Variants in ARSL observed in about 807,000 individuals in gnomAD.
ARSL encodes arylsulfatase E (chondrodysplasia punctata 1).
Under a neutral mutation model 31.1 loss-of-function variants are expected in ARSL, and 4 were observed. The ratio of observed to expected loss-of-function variants is 0.13; its 90% CI spans 0.06 to 0.29. The LOEUF (loss-of-function observed/expected upper bound fraction) is 0.29, where lower values mean the gene tolerates loss of function less well. Ranked by LOEUF, ARSL falls within the 10% of genes least tolerant of loss-of-function variation. The pLI, the probability that ARSL is intolerant of heterozygous loss-of-function variation, is 1.00. For synonymous variants in ARSL, 198 were observed against 209.9 expected, an observed-to-expected ratio of 0.94 and a Z score of 0.49; for missense variants, 312 against 497.8, an observed-to-expected ratio of 0.63 and a Z score of 3.55.
intron 7 of ARSL, among the ~76,000 whole-genome samples, chrX:2,944,257 C>T (rs182349144): frequency 2.7e-3 from 295 of 109,200 alleles, no homozygotes; most frequent in African/African-American, 9.2e-3. Flanking sequence ...AGTTCGAGAC[C>T]AGCCTGGCCA....
intron 5 of ARSL, among the ~76,000 whole-genome samples, chrX:2,951,614 C>CAAAAAAAAA (rs1164575386): frequency 0.016 from 406 of 24,634 alleles, no homozygotes; most frequent in Non-Finnish European, 0.026. Flanking sequence ...CCCATCTCTA[C>CAAAAAAAAA]AAAAAAAAAA....
intron 6 of ARSL, among the ~76,000 whole-genome samples, chrX:2,947,940 T>G (rs1403489390): frequency 8.9e-6 from 1 of 111,888 alleles, no homozygotes; most frequent in African/African-American, 3.2e-5. Flanking sequence ...CTGGCCAACA[T>G]GGCAAAACCC....
upstream of ARSL, chrX:2,968,095 C>T: frequency 2.6e-6 from 3 of 1,150,191 alleles, no homozygotes; most frequent in Non-Finnish European, 3.5e-6. Context: ...CCTGGAGCGT[C>T]TCTGCACGTG....
intron 9 of ARSL, among the ~76,000 whole-genome samples, chrX:2,937,371 G>A (rs1388032179): frequency 9.5e-5 from 10 of 105,707 alleles, no homozygotes; most frequent in African/African-American, 3.1e-4. Context: ...TCCAGCCTGG[G>A]CAACTGAGTG....
chrX:2,937,393 CAAAA>C (rs752865403), intron 9 of ARSL, among the ~76,000 whole-genome samples: 1 of 70,940 alleles, frequency 1.4e-5, no homozygotes. Flanking sequence ...GACTCAGTCT[CAAAA>C]AAAAAAAAAG....
chrX:2,964,137 G>C, intron 1 of ARSL, 87 bp downstream of exon 1: 2 of 749,333 alleles, frequency 2.7e-6, no homozygotes, highest in Non-Finnish European at 3.1e-6. Flanking sequence ...AGACAGAAAA[G>C]GGAACGGGGA....
chrX:2,962,680 C>G (rs931839717), intron 1 of ARSL, among the ~76,000 whole-genome samples: 1 of 111,497 alleles, frequency 9.0e-6, no homozygotes, highest in Non-Finnish European at 1.9e-5. Context: ...AGGATTCAGG[C>G]ACAAAACCAG....
intron 4 of ARSL, 24 bp downstream of exon 4, chrX:2,955,363 CTGTGACGAATACACCAGGCTGCACCCTAG>C: frequency 1.7e-6 from 2 of 1,203,414 alleles, no homozygotes; most frequent in Non-Finnish European, 2.2e-6. Context: ...GAACTAGAAA[CTGTGACGAATACACCAGGCTGCACCCTAG>C]TGCAGTTGTA....
chrX:2,944,335 A>T (rs1972527), intron 7 of ARSL, among the ~76,000 whole-genome samples: 3,385 of 106,950 alleles, frequency 0.032, 141 homozygotes, highest in African/African-American at 0.11. Flanking sequence ...GTGCCTGTAA[A>T]CCCAGCTACT....
chrX:2,959,560 T>C, intron 2 of ARSL: 2 of 1,123,899 alleles, frequency 1.8e-6, no homozygotes, highest in Non-Finnish European at 2.3e-6. Context: ...TGATTTTCCC[T>C]GGAAAACCAG....
rs192998288 is a variant in ARSL at position 2,944,432 on chromosome X, C to T, written c.992-1233G>A. ...CCGTGCCATTGCACTCCAGCCTGGG[C>T]AACAGAGTGAGACTCGGTCTCAAAA... On this transcript the variant is annotated intron_variant, in intron 7 of 10. Coordinates refer to ENST00000381134, the MANE Select transcript of ARSL (RefSeq NM_000047.3). Among the ~76,000 whole-genome samples the T allele has an allele frequency of 1.7e-3, 150 of 88,650 alleles. 1 individual carries two copies. In the East Asian group the frequency reaches 0.039, roughly 23 times the overall value. 77.0% of individuals were successfully genotyped at this position (88,650 alleles called of 115,157 possible). A position where few individuals can be genotyped will look rare whatever the true frequency, so the allele number is the denominator to read the frequency against.
rs367917694 is a variant in ARSL, at chrX:2,936,709, C to A, written c.1411+33G>T. ...TTTCCTGCACAGAGGGACTCTTTCC[C>A]TAAGGGTGTTAGGAAGGGGCTCCCC... On this transcript the variant is annotated intron_variant, in intron 10 of 10. Coordinates refer to ENST00000381134, the MANE Select transcript of ARSL (RefSeq NM_000047.3). The A allele has an allele frequency of 6.1e-5, 74 of 1,207,577 alleles. No homozygotes were observed. The African/African-American group carries it at 1.2e-3, about 20-fold the overall frequency.
upstream of ARSL, chrX:2,964,469 C>T (rs1489253273): frequency 1.3e-6 from 1 of 749,756 alleles, no homozygotes; most frequent in East Asian, 1.5e-4. Flanking sequence ...TGGTCAGTTT[C>T]CTTAGGTTTT....
At chrX:2,946,760 C>T (rs1414004587) in intron 6 of ARSL, among the ~76,000 whole-genome samples, 2 of 110,257 alleles carry the variant, frequency 1.8e-5, no homozygotes, top group African/African-American at 3.3e-5. Flanking sequence ...ACCTCTGCCT[C>T]CCAGGTTCAA....
upstream of ARSL, chrX:2,964,426 A>G (rs2089680418): frequency 1.3e-6 from 1 of 751,716 alleles, no homozygotes; most frequent in Non-Finnish European, 1.6e-6. Flanking sequence ...GCATGGGGGA[A>G]TCTCAAAGCC....
chrX:2,957,537 T>C (rs1272522422), intron 3 of ARSL, among the ~76,000 whole-genome samples: 5 of 104,884 alleles, frequency 4.8e-5, no homozygotes, highest in Non-Finnish European at 2.0e-5. Context: ...GGCAAAACCC[T>C]GTCTCTACTA....
chrX:2,951,936 A>G (rs967672173), intron 5 of ARSL, among the ~76,000 whole-genome samples: 2 of 108,273 alleles, frequency 1.8e-5, no homozygotes, highest in Admixed American at 2.0e-4. Flanking sequence ...TAATTTTTAG[A>G]AATATAGTTT....
At chrX:2,941,958 G>A (rs1383724616) in intron 8 of ARSL, among the ~76,000 whole-genome samples, 1 of 112,572 alleles carries the variant, frequency 8.9e-6, no homozygotes, top group Non-Finnish European at 1.9e-5. Flanking sequence ...GCACAAAAAC[G>A]TGGCAGGCCA....
intron 1 of ARSL, among the ~76,000 whole-genome samples, chrX:2,963,914 C>T (rs925981254): frequency 2.7e-5 from 3 of 110,295 alleles, no homozygotes; most frequent in Admixed American, 2.0e-4. Flanking sequence ...TGGAGAAAAA[C>T]GTTAAATAAA....
Sources: gnomAD v4.1 joint callset for allele counts (sites outside exome capture counted in the v4.1 genomes callset) on GRCh38, gnomAD v4.1.1 for gene constraint, MANE v1.5 for transcripts, NCBI Gene and HGNC (gene_info 2026-07-23, HGNC 2026-07-21) for gene names.